Variants in ROBO2 observed in about 807,000 individuals in gnomAD.
The protein encoded by ROBO2 is roundabout guidance receptor 2.
Under a neutral mutation model 160.8 loss-of-function variants are expected in ROBO2, and 53 were observed. The ratio of observed to expected loss-of-function variants is 0.33; its 90% CI spans 0.26 to 0.41. ROBO2 has a LOEUF of 0.41. Among genes scored for constraint, ROBO2 ranks in the 10% least tolerant of loss-of-function variants. ROBO2 has a pLI of 1.00. For synonymous variants in ROBO2, 664 were observed against 611.7 expected (o/e 1.09, Z -1.26); for missense variants, 1,577 against 1,722.4 (o/e 0.92, Z 1.49).
At chr3:76,611,642 T>C (rs2088136256) in intron 2 of ROBO2, among the ~76,000 whole-genome samples, 1 of 152,186 alleles carries the variant, frequency 6.6e-6, no homozygotes, top group Non-Finnish European at 1.5e-5. Flanking sequence ...TGATTTTATT[T>C]ATTGAGATAT....
intron 5 of ROBO2, among the ~76,000 whole-genome samples, chr3:77,497,793 T>A (rs888618839): frequency 6.6e-6 from 1 of 152,102 alleles, no homozygotes; most frequent in Non-Finnish European, 1.5e-5. Context: ...TAACATAGGT[T>A]TATTGTATAT....
intron 2 of ROBO2, among the ~76,000 whole-genome samples, chr3:77,423,869 T>A (rs1053384875): frequency 2.0e-5 from 3 of 152,204 alleles, no homozygotes; most frequent in African/African-American, 7.2e-5. Flanking sequence ...ATAATGTATT[T>A]GTATCTATAG....
chr3:77,632,151 A>G, intron 23 of ROBO2: 1 of 174,916 alleles, frequency 5.7e-6, no homozygotes, highest in Non-Finnish European at 1.2e-5. Flanking sequence ...AAAAGTGTTA[A>G]TTTCTGAATT....
intron 1 of ROBO2, among the ~76,000 whole-genome samples, chr3:77,043,507 C>T (rs1036576360): frequency 3.3e-5 from 5 of 152,000 alleles, no homozygotes; most frequent in African/African-American, 9.7e-5. Context: ...TGTAGCAATC[C>T]ATAGAGAGCA....
At chr3:76,850,016 A>G (rs2069174569) in intron 2 of ROBO2, among the ~76,000 whole-genome samples, 1 of 152,056 alleles carries the variant, frequency 6.6e-6, no homozygotes, top group African/African-American at 2.4e-5. Context: ...GTGAAATCTC[A>G]TCTCTACTAA....
intron 2 of ROBO2, among the ~76,000 whole-genome samples, chr3:76,425,613 A>G (rs7653626): frequency 6.6e-6 from 1 of 151,342 alleles, no homozygotes; most frequent in African/African-American, 2.4e-5. Flanking sequence ...TCACTCAAAA[A>G]TTTTCCATGA....
At chr3:77,135,673 T>G (rs2150383585) in intron 2 of ROBO2, among the ~76,000 whole-genome samples, 1 of 152,038 alleles carries the variant, frequency 6.6e-6, no homozygotes. Flanking sequence ...CCTCTCAGAG[T>G]GCTGGGATTT....
chr3:76,136,990 A>G (rs1166014108), intron 2 of ROBO2, among the ~76,000 whole-genome samples: 1 of 152,020 alleles, frequency 6.6e-6, no homozygotes, highest in African/African-American at 2.4e-5. Context: ...TATCTTTAAC[A>G]ATTAAAGGGA....
intron 2 of ROBO2, among the ~76,000 whole-genome samples, chr3:76,124,947 C>T (rs2070912059): frequency 6.6e-6 from 1 of 152,110 alleles, no homozygotes; most frequent in Non-Finnish European, 1.5e-5. Context: ...TCCCATCACC[C>T]AGGTACTGAG....
chr3:76,798,438 A>G (rs116933635), intron 2 of ROBO2, among the ~76,000 whole-genome samples: 1 of 152,324 alleles, frequency 6.6e-6, no homozygotes, highest in East Asian at 1.9e-4. Flanking sequence ...ACCAATAGGG[A>G]TTCATACCAG....
intron 1 of ROBO2, among the ~76,000 whole-genome samples, chr3:77,080,462 T>C (rs1341311556): frequency 6.6e-6 from 1 of 152,132 alleles, no homozygotes; most frequent in Non-Finnish European, 1.5e-5. Context: ...GCCAGCAGAT[T>C]ATGGGAGAAG....
At chr3:77,503,681 G>A (rs1244419832) in intron 5 of ROBO2, among the ~76,000 whole-genome samples, 1 of 151,822 alleles carries the variant, frequency 6.6e-6, no homozygotes, top group Non-Finnish European at 1.5e-5. Flanking sequence ...TCCATGGATG[G>A]TTATGAGTTA....
chr3:76,305,023 A>C (rs182400784), intron 2 of ROBO2, among the ~76,000 whole-genome samples: 65 of 152,112 alleles, frequency 4.3e-4, no homozygotes, highest in African/African-American at 1.5e-3. Context: ...AAGCATAAGA[A>C]TATAAATAGG....
intron 2 of ROBO2, among the ~76,000 whole-genome samples, chr3:75,971,395 A>G (rs1236443979): frequency 2.0e-5 from 3 of 151,508 alleles, no homozygotes; most frequent in Admixed American, 6.6e-5. Flanking sequence ...GAACAAAATA[A>G]GATTAAAGCA....
intron 2 of ROBO2, among the ~76,000 whole-genome samples, chr3:76,492,321 A>G (rs910641685): frequency 6.6e-6 from 1 of 152,130 alleles, no homozygotes; most frequent in African/African-American, 2.4e-5. Flanking sequence ...GATCAAAACA[A>G]TCTGCCTGGT....
At chr3:77,034,378 T>C (rs1161820167) in intron 2 of ROBO2, among the ~76,000 whole-genome samples, 1 of 131,142 alleles carries the variant, frequency 7.6e-6, no homozygotes, top group Admixed American at 7.9e-5. Context: ...TATTCTTTGT[T>C]AAAAAAAAAA....
chr3:76,402,145 T>A (rs2077862986), intron 2 of ROBO2, among the ~76,000 whole-genome samples: 1 of 151,540 alleles, frequency 6.6e-6, no homozygotes. Context: ...TTACTTGTGA[T>A]TTTTTTATTT....
chr3:77,284,616 G>A (rs2060460420), intron 2 of ROBO2, among the ~76,000 whole-genome samples: 1 of 151,968 alleles, frequency 6.6e-6, no homozygotes, highest in African/African-American at 2.4e-5. Flanking sequence ...TGGGTAGCAT[G>A]GTTTTGTATT....
intron 2 of ROBO2, among the ~76,000 whole-genome samples, chr3:77,226,618 G>T (rs1002552423): frequency 6.6e-6 from 1 of 152,006 alleles, no homozygotes; most frequent in Non-Finnish European, 1.5e-5. Context: ...TTATGATGGG[G>T]TTATGTCCTG....
Sources: gnomAD v4.1 joint callset for allele counts (sites outside exome capture counted in the v4.1 genomes callset) on GRCh38, gnomAD v4.1.1 for gene constraint, MANE v1.5 for transcripts, NCBI Gene and HGNC (gene_info 2026-07-23, HGNC 2026-07-21) for gene names.